Variants in ADSL observed in about 807,000 individuals in gnomAD.
The protein encoded by ADSL is adenylosuccinase.
ADSL carries 44 observed loss-of-function variants against 62.1 expected under a neutral mutation model. The ratio of observed to expected loss-of-function variants is 0.71; its 90% CI spans 0.56 to 0.91. ADSL has a LOEUF of 0.91. Among genes scored for constraint, ADSL ranks in the 40% least tolerant of loss-of-function variants. The probability of loss-of-function intolerance (pLI) is 0.00; values close to 1 mark genes in which losing one functional copy is unlikely to be tolerated. For missense variants in ADSL, 531 were observed against 627.4 expected, an observed-to-expected ratio of 0.85 and a Z score of 1.64; for synonymous variants, 198 against 220.5, an observed-to-expected ratio of 0.90 and a Z score of 0.90.
At chr22:40,348,318 CCA>C in intron 1 of ADSL, 1 of 397,488 alleles carries the variant, frequency 2.5e-6, no homozygotes, top group East Asian at 3.6e-5. Context: ...GGCAGTTCTG[CCA>C]CATGTGGCTG....
At chr22:40,387,177 G>A (rs2048607736) in intron 2 of ADSL, 2 of 398,412 alleles carry the variant, frequency 5.0e-6, no homozygotes, top group African/African-American at 4.1e-5. Flanking sequence ...GCTTAGCAGT[G>A]TGATGAATGC....
chr22:40,352,363 CTA>C (rs1176929644), intron 2 of ADSL, among the ~76,000 whole-genome samples: 15 of 152,168 alleles, frequency 9.9e-5, no homozygotes, highest in African/African-American at 3.1e-4. Flanking sequence ...CCTGTCTCTA[CTA>C]AAAATACAAA....
At chr22:40,349,765 T>A in intron 1 of ADSL, 67 bp from the exon 2 acceptor site, 1 of 1,424,030 alleles carries the variant, frequency 7.0e-7, no homozygotes, top group Non-Finnish European at 9.8e-7. Context: ...TTTTTTTTCC[T>A]TGGTGTCACT....
intron 2 of ADSL, among the ~76,000 whole-genome samples, chr22:40,382,706 T>C (rs2047765202): frequency 1.3e-5 from 2 of 152,242 alleles, no homozygotes; most frequent in African/African-American, 4.8e-5. Flanking sequence ...GGGAGAAGTT[T>C]CGTCACATTT....
rs770545279 is a variant in ADSL, at chr22:40,358,856, G to A, written c.483-8G>A. The A allele has an allele frequency of 1.9e-6, 3 of 1,614,108 alleles. No homozygotes were observed. The highest frequency in any genetic ancestry group is 2.5e-6 in the Non-Finnish European group (3 of 1,180,012). Reference sequence around the variant, plus strand: ...TGAGACTTTCGTGTGTTCTCTTTGGGTTTTCAGGCCTGCACAGCTGACCAC... The same window carrying A: ...TGAGACTTTCGTGTGTTCTCTTTGGATTTTCAGGCCTGCACAGCTGACCAC... On this transcript the variant is annotated splice_polypyrimidine_tract_variant and splice_region_variant and intron_variant, in intron 4 of 12. Transcript: ENST00000623063.
intron 2 of ADSL, among the ~76,000 whole-genome samples, chr22:40,379,805 C>G (rs995440852): frequency 6.6e-6 from 1 of 152,016 alleles, no homozygotes; most frequent in Non-Finnish European, 1.5e-5. Flanking sequence ...ACCTCCCAGG[C>G]CCAAGCAATC....
At chr22:40,364,702 AG>A in intron 11 of ADSL, 177 bp from the exon 12 acceptor site, 1 of 695,848 alleles carries the variant, frequency 1.4e-6, no homozygotes, top group Non-Finnish European at 2.5e-6. Flanking sequence ...GCTTGTCCTA[AG>A]ATGTGGGCAG....
rs377758918 is a variant in ADSL, at chr22:40,366,493, A to G, written c.1426A>G (p.Met476Val). The G allele has an allele frequency of 6.2e-7, 1 of 1,613,240 alleles. No individual in the cohort carries two copies. Among genetic ancestry groups the G allele is most frequent in the Non-Finnish European group, 8.5e-7 (1 of 1,179,184 alleles). ...CCTGTTAAAACCATATGAAAGCGTG[A>G]TGAAGGTGAAAGCAGAATTATGTCT... ...YPLLKPYESVMKVKAELCL is the reference protein window; with the variant it reads ...YPLLKPYESVVKVKAELCL The change falls in exon 13 of 13, where the codon ATG becomes GTG. Residue 476 changes from methionine (M) to valine (V), a missense_variant. Physicochemically the swap from Met to Val is conservative, Grantham distance 21 (BLOSUM62 1). Around this residue, in one of 2 missense-constraint regions of ADSL, gnomAD observed 471 missense variants for 592.9 expected, o/e 0.79. Transcript: ENST00000623063.
At chr22:40,385,088 T>C (rs192694217) in intron 2 of ADSL, among the ~76,000 whole-genome samples, 133 of 152,296 alleles carry the variant, frequency 8.7e-4, no homozygotes, top group Non-Finnish European at 3.7e-4. Context: ...TCAGAGTCAT[T>C]GAACAGTTCA....
At chr22:40,358,268 A>G (rs2044641259) in intron 4 of ADSL, among the ~76,000 whole-genome samples, 1 of 152,168 alleles carries the variant, frequency 6.6e-6, no homozygotes, top group Non-Finnish European at 1.5e-5. Flanking sequence ...CAAAAGGGAC[A>G]TTGTCCCTGC....
intron 1 of ADSL, among the ~76,000 whole-genome samples, chr22:40,348,022 C>G (rs1027700826): frequency 2.0e-4 from 30 of 152,268 alleles, no homozygotes; most frequent in African/African-American, 7.2e-4. Context: ...AATGTAGAGT[C>G]TGAGTATGTG....
chr22:40,385,962 C>T (rs1028920278), intron 2 of ADSL, among the ~76,000 whole-genome samples: 1 of 152,106 alleles, frequency 6.6e-6, no homozygotes, highest in African/African-American at 2.4e-5. Context: ...GGCGATTCTC[C>T]TATCTCAACT....
At chr22:40,349,667 T>A in intron 1 of ADSL, among the ~76,000 whole-genome samples, 165 bp from the exon 2 acceptor site, 1 of 152,060 alleles carries the variant, frequency 6.6e-6, no homozygotes. Flanking sequence ...TCGACCCCAC[T>A]ACCCCTGGCC....
Position 40,358,307 on chromosome 22 carries a change from A to G in ADSL, c.483-557A>G, listed in dbSNP as rs113027829. On this transcript the variant is annotated intron_variant, in intron 4 of 12. Transcript: ENST00000623063. ...TATAATAAATTGTCTCTTGCCGTGC[A>G]TCACAGTGGTTCATGCCTGTAATCC... Among the ~76,000 whole-genome samples the G allele has an allele frequency of 3.3e-5, 5 of 152,292 alleles. 1 individual carries two copies. The highest frequency in any genetic ancestry group is 1.2e-4 in the African/African-American group (5 of 41,572).
At chr22:40,353,300 C>A in intron 3 of ADSL, 183 bp downstream of exon 3, 1 of 706,992 alleles carries the variant, frequency 1.4e-6, no homozygotes. Context: ...TTCTTCTCTT[C>A]CTCCTTCTCC....
chr22:40,353,616 A>G lies in ADSL; in HGVS notation c.402+499A>G, dbSNP rs1364187216. Among the ~76,000 whole-genome samples, 11 of 144,352 alleles carry G rather than the reference A, an allele frequency of 7.6e-5. No homozygotes were observed. The South Asian group carries it at 1.5e-3, about 20-fold the overall frequency. The allele number at this position is 144,352 out of a possible 152,430, so 94.7% of individuals were successfully genotyped here. On this transcript the variant is annotated intron_variant, in intron 3 of 12. Coordinates refer to ENST00000623063, the MANE Select transcript of ADSL (RefSeq NM_000026.4). Reference sequence around the variant, plus strand: ...TAAAAGACTAAATGGTTTTTAAAGCATAGCCTTTTTTTTTTTTTTTTTTTT... The same window carrying G: ...TAAAAGACTAAATGGTTTTTAAAGCGTAGCCTTTTTTTTTTTTTTTTTTTT...
intron 2 of ADSL, among the ~76,000 whole-genome samples, chr22:40,374,629 TC>T (rs1283563519): frequency 6.6e-6 from 1 of 152,042 alleles, no homozygotes; most frequent in Admixed American, 6.5e-5. Context: ...ACGCCTGTAA[TC>T]CCAGCACTTT....
intron 3 of ADSL, 81 bp downstream of exon 3, chr22:40,353,198 CAG>C (rs1772609085): frequency 6.1e-6 from 7 of 1,142,756 alleles, no homozygotes; most frequent in Non-Finnish European, 9.3e-6. Flanking sequence ...TAAATCAACA[CAG>C]TGTAAATTTT....
intron 2 of ADSL, among the ~76,000 whole-genome samples, chr22:40,375,929 T>C (rs532317500): frequency 8.7e-4 from 132 of 151,984 alleles, no homozygotes; most frequent in Non-Finnish European, 1.1e-3. Context: ...TGGTCCCACC[T>C]ACTCAGGATG....
Sources: gnomAD v4.1 joint callset for allele counts (sites outside exome capture counted in the v4.1 genomes callset) on GRCh38, gnomAD v4.1.1 for gene constraint, gnomAD v4.1.1 regional missense constraint, MANE v1.5 for transcripts, NCBI Gene and HGNC (gene_info 2026-07-23, HGNC 2026-07-21) for gene names.